Variants in ADGRG1 observed in about 807,000 individuals in gnomAD.
ADGRG1 encodes the protein 7-transmembrane protein with no EGF-like N-terminal domains-1.
Under a neutral mutation model 73.5 loss-of-function variants are expected in ADGRG1, and 53 were observed. The ratio of observed to expected loss-of-function variants is 0.72; its 90% CI spans 0.58 to 0.91. The LOEUF is 0.91. ADGRG1 is among the 40% of genes least tolerant of loss of function. The pLI is 0.00. For missense variants in ADGRG1, 795 were observed against 871.8 expected (o/e 0.91, Z 1.11); for synonymous variants, 394 against 374.4 (o/e 1.05, Z -0.60).
chr16:57,642,799 G>A (rs1251198150), intron 1 of ADGRG1: 3 of 185,496 alleles, frequency 1.6e-5, no homozygotes, highest in Non-Finnish European at 3.0e-5. Flanking sequence ...TTGAGTCCCG[G>A]CTTTTCTGCT....
Position 57,653,305 on chromosome 16 carries a change from C to A in ADGRG1, c.590C>A (p.Ser197Ter). 6.2e-7 allele frequency: 1 copy of A among 1,611,810 alleles called. No homozygotes were observed. Residue 197 changes from serine to a stop codon, truncating the protein, a stop_gained, in exon 4 of 14, where the codon TCA (serine) becomes TAA (stop). Coordinates refer to ENST00000562631, the MANE Select transcript of ADGRG1 (RefSeq NM_201525.4). LOFTEE classifies it high-confidence loss of function. ...TTCCTGAAGCATCCCCAGAAGGCCT[C>A]AAGGAGGCCCTCGGCTGCCCCCGCC... ...SQFLKHPQKA[S>*]RRPSAAPASQ...
At chr16:57,643,749 C>T in intron 1 of ADGRG1, 9 of 984,560 alleles carry the variant, frequency 9.1e-6, no homozygotes, top group Non-Finnish European at 1.1e-5. Flanking sequence ...GAATACCCCT[C>T]TTGGGGAGCT....
intron 1 of ADGRG1, 157 bp downstream of exon 1, chr16:57,628,959 T>TGAGTGTGTGA (rs1214768670): frequency 1.7e-6 from 1 of 589,140 alleles, no homozygotes; most frequent in Non-Finnish European, 2.1e-6. Context: ...TGTGAGAGTG[T>TGAGTGTGTGA]GTGAGTGTGA....
intron 13 of ADGRG1, 98 bp downstream of exon 13, chr16:57,662,063 C>T: frequency 1.0e-6 from 1 of 977,142 alleles, no homozygotes; most frequent in South Asian, 1.3e-5. Flanking sequence ...CTTCCCTTCT[C>T]TGGGCCTCAG....
rs1382898277 is a variant in ADGRG1 at position 57,659,700 on chromosome 16, G to C, written c.1555+19G>C. On this transcript the variant is annotated intron_variant, in intron 11 of 13. Transcript: ENST00000562631. ...GGCTGGGGTAAGTGGTTGGGCGGGG[G>C]GTGCCTCAGACCTGCCTCTCCCACT... 1.9e-6 allele frequency: 3 copies of C among 1,613,006 alleles called. No homozygotes were observed. The highest frequency in any genetic ancestry group is 2.2e-5 in the East Asian group (1 of 44,866).
At chr16:57,635,419 C>G in intron 1 of ADGRG1, 1 of 985,390 alleles carries the variant, frequency 1.0e-6, no homozygotes, top group Non-Finnish European at 1.2e-6. Context: ...GTGGTGGGAG[C>G]TGGGACCAGT....
At chr16:57,629,649 C>T (rs2037169521) in intron 1 of ADGRG1, among the ~76,000 whole-genome samples, 1 of 152,186 alleles carries the variant, frequency 6.6e-6, no homozygotes, top group Non-Finnish European at 1.5e-5. Flanking sequence ...CGCAGGGTCT[C>T]TGAACGTGGG....
chr16:57,635,837 C>T, intron 1 of ADGRG1: 1 of 985,220 alleles, frequency 1.0e-6, no homozygotes, highest in Non-Finnish European at 1.2e-6. Context: ...CCTGGGCAAG[C>T]TCCGTGTCCC....
chr16:57,662,344 G>C (rs2047357354), intron 13 of ADGRG1, among the ~76,000 whole-genome samples: 4 of 152,128 alleles, frequency 2.6e-5, no homozygotes, highest in African/African-American at 9.7e-5. Flanking sequence ...CCCTAAGAAG[G>C]GTGGCCAGGG....
intron 10 of ADGRG1, chr16:57,658,946 G>T: frequency 1.0e-6 from 1 of 985,040 alleles, no homozygotes. Flanking sequence ...GAATCCTGGA[G>T]TGGGGGTGGG....
chr16:57,656,367 T>G, intron 8 of ADGRG1, 96 bp downstream of exon 8: 1 of 1,611,146 alleles, frequency 6.2e-7, no homozygotes, highest in Admixed American at 1.7e-5. Context: ...GAGGGCTTCC[T>G]GGAGAAAGGA....
At position 57,645,213 on chromosome 16, in the gene ADGRG1, G is replaced by A. The variant is rs1206396957; in HGVS notation, c.-35-5040G>A. On this transcript the variant is annotated intron_variant, in intron 1 of 13. Coordinates refer to ENST00000562631, the MANE Select transcript of ADGRG1 (RefSeq NM_201525.4). ...GAGAGCAGCTGCGGACGGGAGGGGA[G>A]CTAGGGCAGTGGAAGTTGAGCTGGG... 4 of 985,344 alleles carry A rather than the reference G, an allele frequency of 4.1e-6. No individual in the cohort carries two copies. In the African/African-American group the frequency reaches 7.0e-5, roughly 17 times the overall value. The allele number at this position is 985,344 out of a possible 1,614,324, so 61.0% of individuals were successfully genotyped here.
At chr16:57,626,948 G>C (rs142801453), upstream of ADGRG1, 1,435 of 985,590 alleles carry the variant, frequency 1.5e-3, 20 homozygotes, top group African/African-American at 0.022. Flanking sequence ...GGCAATAAGG[G>C]AGTTCCCACT....
At chr16:57,626,700 A>G (rs2035898542), upstream of ADGRG1, 3 of 985,038 alleles carry the variant, frequency 3.0e-6, no homozygotes, top group Non-Finnish European at 3.6e-6. Context: ...TCTGGTCAGC[A>G]CGCTCTGTGG....
chr16:57,648,740 G>A (rs1347694814), intron 1 of ADGRG1: 31 of 980,692 alleles, frequency 3.2e-5, no homozygotes, highest in Non-Finnish European at 3.6e-5. Context: ...GCCGCGCCAC[G>A]CAGGATGAGG....
intron 13 of ADGRG1, chr16:57,662,847 G>C (rs1364637363): frequency 1.4e-6 from 1 of 724,842 alleles, no homozygotes; most frequent in Non-Finnish European, 1.7e-6. Flanking sequence ...GAATGGAAGG[G>C]GGTTGTATGG....
chr16:57,622,383 T>C (rs1371537628), intron 2 of ADGRG1, among the ~76,000 whole-genome samples: 1 of 152,044 alleles, frequency 6.6e-6, no homozygotes, highest in East Asian at 1.9e-4. Context: ...CTGGGGCTCC[T>C]CCAGACAAGG....
intron 4 of ADGRG1, 43 bp downstream of exon 4, chr16:57,653,378 T>C (rs2044629600): frequency 6.2e-7 from 1 of 1,601,014 alleles, no homozygotes. Flanking sequence ...CAGGAAGGCA[T>C]CAGAGATCTG....
chr16:57,653,394 G>A (rs2044634654), intron 4 of ADGRG1, 59 bp downstream of exon 4: 1 of 1,597,880 alleles, frequency 6.3e-7, no homozygotes, highest in Non-Finnish European at 8.5e-7. Flanking sequence ...ATCTGGACCT[G>A]GGCAGGGTGG....
Sources: gnomAD v4.1 joint callset for allele counts (sites outside exome capture counted in the v4.1 genomes callset) on GRCh38, gnomAD v4.1.1 for gene constraint, MANE v1.5 for transcripts, NCBI Gene and HGNC (gene_info 2026-07-23, HGNC 2026-07-21) for gene names.